Variants in POLR1C observed in about 807,000 individuals in gnomAD.
POLR1C encodes DNA-directed RNA polymerases I and III subunit RPAC1.
POLR1C carries 42 observed loss-of-function variants against 38.3 expected under a neutral mutation model. That is an observed-to-expected ratio of 1.10 (90% confidence interval 0.86 to 1.42). The LOEUF is 1.42. Among genes scored for constraint, POLR1C ranks in the 40% most tolerant of loss-of-function variants. The pLI is 0.00. For synonymous variants in POLR1C, 163 were observed against 163.9 expected (o/e 0.99, Z 0.04); for missense variants, 507 against 450.5 (o/e 1.13, Z -1.14).
chr6:43,525,319 CT>C, downstream of POLR1C: 3 of 1,092,112 alleles, frequency 2.7e-6, no homozygotes, highest in African/African-American at 1.6e-5. Context: ...TCCTCCCCCC[CT>C]CTAAAGATGG....
chr6:43,525,921 T>C, downstream of POLR1C: 1 of 1,613,964 alleles, frequency 6.2e-7, no homozygotes, highest in Non-Finnish European at 8.5e-7. Flanking sequence ...CATTTCTTCA[T>C]CTGTTATCAG....
chr6:43,529,378 TAAA>T (rs35493258), exon 9 of POLR1C: 3,230 of 118,952 alleles, frequency 0.027, no homozygotes, highest in Middle Eastern at 0.071. Flanking sequence ...CCGTCTCTAC[TAAA>T]AAAAAAAAAA....
exon 11 of POLR1C, chr6:43,561,407 C>T (rs1315367865): frequency 2.4e-5 from 4 of 164,328 alleles, no homozygotes; most frequent in Middle Eastern, 3.1e-3. Context: ...TAGATGGAGT[C>T]TCACTCTGTT....
intron 9 of POLR1C, chr6:43,547,644 T>G (rs1023456461): frequency 3.1e-6 from 5 of 1,614,056 alleles, no homozygotes; most frequent in Non-Finnish European, 4.2e-6. Context: ...CCTCCAGGCC[T>G]GGGTCACAGC....
Position 43,558,430 on chromosome 6 carries a change from T to C in POLR1C, c.*49-2970T>C, listed in dbSNP as rs73733591. The C allele has an allele frequency of 7.1e-3, 9,678 of 1,361,370 alleles. 574 individuals carry two copies. In the African/African-American group the frequency reaches 0.13, roughly 18 times the overall value. 84.3% of individuals were successfully genotyped at this position (1,361,370 alleles called of 1,614,324 possible). A position where few individuals can be genotyped will look rare whatever the true frequency, so the allele number is the denominator to read the frequency against. ...TCTTTCGTAAAAACCCCAAACACCATGCACCATGATTCATAATACTAGATG... is the reference window on the plus strand; with the variant it reads ...TCTTTCGTAAAAACCCCAAACACCACGCACCATGATTCATAATACTAGATG... On this transcript the variant is annotated intron_variant, in intron 10 of 10. Coordinates refer to the POLR1C transcript ENST00000607635.
downstream of POLR1C, chr6:43,525,151 A>G: frequency 6.3e-7 from 1 of 1,584,086 alleles, no homozygotes. Flanking sequence ...GTCCTCTGGC[A>G]GGACAGAGTA....
At chr6:43,552,952 G>C (rs1197479376) in intron 10 of POLR1C, among the ~76,000 whole-genome samples, 1 of 152,134 alleles carries the variant, frequency 6.6e-6, no homozygotes, top group Non-Finnish European at 1.5e-5. Flanking sequence ...ACTTGAGTAT[G>C]CTATTTAGCC....
At chr6:43,530,828 T>A, downstream of POLR1C, 1 of 1,605,876 alleles carries the variant, frequency 6.2e-7, no homozygotes, top group Non-Finnish European at 8.5e-7. Flanking sequence ...ATGAAAACTG[T>A]AAAGGGGAAA....
chr6:43,524,123 G>C (rs1331753950), downstream of POLR1C: 2 of 1,425,562 alleles, frequency 1.4e-6, no homozygotes, highest in Non-Finnish European at 9.3e-7. Context: ...AGGCCAAGGC[G>C]GGTGGATCAC....
Position 43,520,705 on chromosome 6 carries a change from G to T in POLR1C, c.736G>T (p.Glu246Ter). The T allele has an allele frequency of 6.2e-7, 1 of 1,614,166 alleles. No individual in the cohort carries two copies. The change falls in exon 7 of 9, where the codon GAA becomes TAA. Residue 246 changes from glutamate to a stop codon, truncating the protein, a stop_gained. Coordinates refer to ENST00000642195, the MANE Select transcript of POLR1C (RefSeq NM_203290.4). LOFTEE classifies it high-confidence loss of function. ...LPDITLLEPVEGEAAEELSRC... is the reference protein window; with the variant it reads ...LPDITLLEPV ...AGACATCACCCTGCTTGAGCCCGTG[G>T]AAGGGGAGGCAGCTGAGGAGTTGAG... is the stretch of plus-strand genomic sequence containing the variant.
chr6:43,535,952 G>T (rs557809315), intron 9 of POLR1C, among the ~76,000 whole-genome samples: 34 of 151,934 alleles, frequency 2.2e-4, no homozygotes, highest in Middle Eastern at 3.4e-3. Context: ...GTGAAACCCT[G>T]TCTCTACTAA....
downstream of POLR1C, chr6:43,523,688 TTA>T (rs768534635): frequency 1.1e-6 from 1 of 943,704 alleles, no homozygotes; most frequent in African/African-American, 1.6e-5. Context: ...TCTTGATACT[TTA>T]GTATAATTAC....
Position 43,545,915 on chromosome 6 carries a change from G to C in POLR1C, c.*5-5053G>C, listed in dbSNP as rs545613706. 4.6e-5 allele frequency among the ~76,000 whole-genome samples: 7 copies of C among 152,120 alleles called. No homozygotes were observed. In the South Asian group the frequency reaches 1.5e-3, roughly 32 times the overall value. ...TCATGTGATCTAAAACAGTGATTCT[G>C]AATGTTTAATGTGTATATAAACCAC... On this transcript the variant is annotated intron_variant, in intron 9 of 10. Transcript: ENST00000607635.
chr6:43,557,680 G>A (rs796458499), intron 10 of POLR1C, among the ~76,000 whole-genome samples: 2 of 147,926 alleles, frequency 1.4e-5, no homozygotes, highest in African/African-American at 5.0e-5. Flanking sequence ...AAAATTGATT[G>A]TGGTGATGGC....
intron 9 of POLR1C, chr6:43,548,307 G>A (rs895990313): frequency 6.2e-7 from 1 of 1,612,980 alleles, no homozygotes; most frequent in Non-Finnish European, 8.5e-7. Flanking sequence ...GGTGCCATCA[G>A]CTCCTCTAGG....
At chr6:43,520,528 C>T in intron 6 of POLR1C, 97 bp from the exon 7 acceptor site, 2 of 1,602,252 alleles carry the variant, frequency 1.2e-6, no homozygotes, top group African/African-American at 1.3e-5. Context: ...AGGTAGAAAG[C>T]CAAGAGGGTT....
At chr6:43,531,439 T>C (rs41281820), downstream of POLR1C, 2,082 of 1,567,516 alleles carry the variant, frequency 1.3e-3, 28 homozygotes, top group African/African-American at 0.026. Context: ...ACAATACATA[T>C]CGAGGAAGAA....
intron 10 of POLR1C, chr6:43,555,408 T>A (rs934946463): frequency 6.5e-6 from 1 of 154,866 alleles, no homozygotes; most frequent in Non-Finnish European, 1.4e-5. Flanking sequence ...CTGAGTGATA[T>A]GAGAAGTCCC....
Position 43,535,945 on chromosome 6 carries a change from A to G in POLR1C, c.*4+6586A>G, listed in dbSNP as rs534020378. On this transcript the variant is annotated intron_variant, in intron 9 of 10. Coordinates refer to the POLR1C transcript ENST00000607635. ...CAAGACCAGCCTGGCCAACATGGTGAAACCCTGTCTCTACTAAAAATATAA... is the reference window on the plus strand; with the variant it reads ...CAAGACCAGCCTGGCCAACATGGTGGAACCCTGTCTCTACTAAAAATATAA... Among the ~76,000 whole-genome samples, 154 of 152,200 alleles carry G rather than the reference A, an allele frequency of 1.0e-3. 2 individuals are homozygous for G. In the East Asian group the frequency reaches 0.028, roughly 28 times the overall value.
Sources: gnomAD v4.1 joint callset for allele counts (sites outside exome capture counted in the v4.1 genomes callset) on GRCh38, gnomAD v4.1.1 for gene constraint, MANE v1.5 for transcripts, NCBI Gene and HGNC (gene_info 2026-07-23, HGNC 2026-07-21) for gene names.